Variants in METTL21C observed in about 807,000 individuals in gnomAD.
METTL21C encodes methyltransferase 21C, AARS1 lysine.
A neutral mutation model predicts 25.9 loss-of-function variants in METTL21C; 21 were observed. The observed-to-expected ratio is 0.81, with a 90% CI of 0.58 to 1.17. METTL21C has a LOEUF of 1.17. Among genes scored for constraint, METTL21C ranks in the 50% most tolerant of loss-of-function variants. The probability of loss-of-function intolerance (pLI) is 0.00; values close to 1 mark genes in which losing one functional copy is unlikely to be tolerated. For missense variants in METTL21C, 312 were observed against 315.1 expected (o/e 0.99, Z 0.07); for synonymous variants, 125 against 124.7 (o/e 1.00, Z -0.01).
intron 1 of METTL21C, among the ~76,000 whole-genome samples, chr13:102,691,627 C>T (rs996292865): frequency 8.5e-5 from 13 of 152,204 alleles, no homozygotes; most frequent in South Asian, 8.3e-4. Context: ...GGATTACAGG[C>T]GTGAGCCACC....
In METTL21C at chr13:102,694,259, AT is replaced by A. The variant is rs1363563941; in HGVS notation, c.130+109del. ...CTGCTAAGCTTCATTATAGCAAAAA[AT>A]CTAATGTTAAAAGGAAATGGAAATT... On this transcript the variant is annotated intron_variant, in intron 1 of 3. Coordinates refer to ENST00000267273, the MANE Select transcript of METTL21C (RefSeq NM_001010977.3). The A allele has an allele frequency of 7.6e-5, 98 of 1,285,744 alleles. 1 individual carries two copies. The highest frequency in any genetic ancestry group is 4.4e-4 in the Middle Eastern group (2 of 4,510). 79.6% of individuals were successfully genotyped at this position (1,285,744 alleles called of 1,614,324 possible).
In METTL21C at chr13:102,687,563, C is replaced by T. The variant is rs1169969157; in HGVS notation, c.283-506G>A. On this transcript the variant is annotated intron_variant, in intron 2 of 3. Coordinates refer to ENST00000267273, the MANE Select transcript of METTL21C (RefSeq NM_001010977.3). ...GCGAGCACTTTGCCGTATTGAGCGA[C>T]GGGTTAGTGACTTTTTTTAAAGTGG... 3.3e-5 allele frequency among the ~76,000 whole-genome samples: 5 copies of T among 152,194 alleles called. 1 individual carries two copies. The highest frequency in any genetic ancestry group is 2.0e-4 in the Admixed American group (3 of 15,280).
intron 2 of METTL21C, among the ~76,000 whole-genome samples, chr13:102,689,416 T>C (rs954053031): frequency 3.3e-5 from 5 of 152,128 alleles, no homozygotes; most frequent in South Asian, 2.1e-4. Context: ...TGGGAGTGAG[T>C]GAAGGTCGAC....
At chr13:102,690,689 G>C in intron 2 of METTL21C, 124 bp downstream of exon 2, 2 of 1,137,664 alleles carry the variant, frequency 1.8e-6, no homozygotes, top group South Asian at 3.4e-5. Flanking sequence ...CAGGGGGCAA[G>C]CAACTGAACC....
chr13:102,702,830 A>T, the METTL21C span, among the ~76,000 whole-genome samples: 7 of 152,276 alleles, frequency 4.6e-5, no homozygotes, highest in Admixed American at 6.5e-5. Flanking sequence ...ACCTCAGGTG[A>T]TCCACCCACC....
intron 1 of METTL21C, among the ~76,000 whole-genome samples, chr13:102,691,436 G>C (rs1761602969): frequency 6.6e-6 from 1 of 151,548 alleles, no homozygotes; most frequent in Non-Finnish European, 1.5e-5. Context: ...CGCAACCTCT[G>C]CTTCCCGGGT....
chr13:102,686,875 G>C (rs1283776152), intron 3 of METTL21C, 65 bp downstream of exon 3: 1 of 1,303,156 alleles, frequency 7.7e-7, no homozygotes, highest in African/African-American at 1.5e-5. Context: ...CTGTCATAGA[G>C]TAAGCACTTG....
intron 1 of METTL21C, among the ~76,000 whole-genome samples, chr13:102,691,249 C>A (rs1425281404): frequency 6.6e-6 from 1 of 151,264 alleles, no homozygotes; most frequent in Non-Finnish European, 1.5e-5. Flanking sequence ...GGATCGGTCC[C>A]CACCCTAAAT....
intron 2 of METTL21C, among the ~76,000 whole-genome samples, chr13:102,688,668 TG>T (rs1324463250): frequency 6.6e-6 from 1 of 151,508 alleles, no homozygotes; most frequent in East Asian, 1.9e-4. Context: ...GTATTTGCTG[TG>T]GGGGCTGGGA....
chr13:102,690,572 T>A (rs1566389100), intron 2 of METTL21C, among the ~76,000 whole-genome samples: 1 of 152,106 alleles, frequency 6.6e-6, no homozygotes, highest in Non-Finnish European at 1.5e-5. Context: ...ATAGCTGAGT[T>A]TATTTAATAT....
At chr13:102,701,054 C>A in the METTL21C span, among the ~76,000 whole-genome samples, 11 of 152,052 alleles carry the variant, frequency 7.2e-5, no homozygotes, top group African/African-American at 2.7e-4. Flanking sequence ...AATGTGTTTA[C>A]CTGATGGAAC....
chr13:102,697,469 C>T (rs1483540287), upstream of METTL21C, among the ~76,000 whole-genome samples: 1 of 152,160 alleles, frequency 6.6e-6, no homozygotes, highest in Non-Finnish European at 1.5e-5. Context: ...GTGCAAAGGT[C>T]AAGCCACCCT....
rs756878215 is a variant in METTL21C at position 102,685,982 on chromosome 13, C to T, written c.*49G>A. The stretch of plus-strand genomic sequence containing the variant: ...AGTCTATTACCAAAGCAATTTCTAA[C>T]ACATTGCTCAAAAGACACAGTAACG... On this transcript the variant is annotated 3_prime_UTR_variant, in exon 4 of 4. Coordinates refer to ENST00000267273, the MANE Select transcript of METTL21C (RefSeq NM_001010977.3). 6.6e-7 allele frequency: 1 copy of T among 1,516,024 alleles called. No homozygotes were observed. The highest frequency in any genetic ancestry group is 8.8e-7 in the Non-Finnish European group (1 of 1,130,042). 93.9% of individuals were successfully genotyped at this position (1,516,024 alleles called of 1,614,324 possible). A position where few individuals can be genotyped will look rare whatever the true frequency, so the allele number is the denominator to read the frequency against.
upstream of METTL21C, among the ~76,000 whole-genome samples, chr13:102,695,201 G>A (rs1043780435): frequency 6.4e-4 from 98 of 152,186 alleles, no homozygotes; most frequent in African/African-American, 2.3e-3. Context: ...AGAACACAAG[G>A]ATCTACCAAG....
Position 102,694,827 on chromosome 13 carries a change from T to G in METTL21C, c.-329A>C, listed in dbSNP as rs1885915623. On this transcript the variant is annotated 5_prime_UTR_variant, in exon 1 of 4. Coordinates refer to ENST00000267273, the MANE Select transcript of METTL21C (RefSeq NM_001010977.3). ...GCCCAAGTTATTTAGGGTAGCATTA[T>G]CTACCAGTCCTCATAGACACATTAC... 6.6e-6 allele frequency among the ~76,000 whole-genome samples: 1 copy of G among 151,936 alleles called. No homozygotes were observed. The highest frequency in any genetic ancestry group is 1.5e-5 in the Non-Finnish European group (1 of 68,000).
the METTL21C span, among the ~76,000 whole-genome samples, chr13:102,700,230 A>G: frequency 2.2e-4 from 34 of 152,294 alleles, no homozygotes; most frequent in African/African-American, 7.9e-4. Context: ...TTCGAGCCCC[A>G]GGCTTCACTG....
the METTL21C span, among the ~76,000 whole-genome samples, chr13:102,704,129 G>C: frequency 6.6e-6 from 1 of 152,180 alleles, no homozygotes; most frequent in Non-Finnish European, 1.5e-5. Flanking sequence ...AAACTTCTCT[G>C]TTTTCTGCCT....
intron 2 of METTL21C, 103 bp downstream of exon 2, chr13:102,690,710 A>G (rs1885808483): frequency 7.3e-7 from 1 of 1,364,834 alleles, no homozygotes; most frequent in Non-Finnish European, 9.9e-7. Context: ...TCAAATTGAG[A>G]AGCAGGATAT....
chr13:102,697,856 G>A (rs1295108636), upstream of METTL21C, among the ~76,000 whole-genome samples: 2 of 152,162 alleles, frequency 1.3e-5, no homozygotes, highest in African/African-American at 2.4e-5. Context: ...AGGAGCAGGC[G>A]ACCAGAGCTT....
Sources: allele counts gnomAD v4.1 joint callset (sites outside exome capture counted in the v4.1 genomes callset), GRCh38; gene constraint gnomAD v4.1.1; transcripts MANE v1.5; gene names NCBI Gene and HGNC (gene_info 2026-07-23, HGNC 2026-07-21).